Variants in CNTN3 observed in about 807,000 individuals in gnomAD.
CNTN3 encodes contactin-3.
CNTN3 carries 60 observed loss-of-function variants against 119.1 expected under a neutral mutation model. That is an observed-to-expected ratio of 0.50 (90% confidence interval 0.41 to 0.62). CNTN3 has a LOEUF of 0.62. CNTN3 is among the 20% of genes least tolerant of loss of function. The probability of loss-of-function intolerance (pLI) is 0.00; values close to 1 mark genes in which losing one functional copy is unlikely to be tolerated. For synonymous variants in CNTN3, 450 were observed against 438.7 expected, an observed-to-expected ratio of 1.03 and a Z score of -0.32; for missense variants, 1,101 against 1,242.4, an observed-to-expected ratio of 0.89 and a Z score of 1.71.
At chr3:74,309,790 C>T (rs145249904) in intron 13 of CNTN3, among the ~76,000 whole-genome samples, 2 of 152,160 alleles carry the variant, frequency 1.3e-5, no homozygotes, top group Non-Finnish European at 1.5e-5. Flanking sequence ...CTGTATACTG[C>T]TGAACTCATA....
intron 11 of CNTN3, among the ~76,000 whole-genome samples, chr3:74,341,539 T>C (rs571481): frequency 0.085 from 12,891 of 152,182 alleles, 1,586 homozygotes; most frequent in African/African-American, 0.27. Flanking sequence ...TATAATATAC[T>C]TTTATTTGTA....
At chr3:74,418,449 C>A (rs1159806333) in intron 5 of CNTN3, among the ~76,000 whole-genome samples, 2 of 144,094 alleles carry the variant, frequency 1.4e-5, no homozygotes, top group African/African-American at 5.1e-5. Context: ...TCAAGCAATT[C>A]TCCTGCCTCA....
chr3:74,502,664 C>T (rs1703186072), intron 2 of CNTN3, among the ~76,000 whole-genome samples: 1 of 152,124 alleles, frequency 6.6e-6, no homozygotes, highest in African/African-American at 2.4e-5. Flanking sequence ...AGCTTCGTGT[C>T]ACTTCTGGGC....
chr3:74,491,993 T>C lies in CNTN3; in HGVS notation c.183-5362A>G, dbSNP rs75753611. ...GCTACACACCCCAGCATTTCAATCATATAACATTTACATTGTGCTCCAGAA... is the reference window on the plus strand; with the variant it reads ...GCTACACACCCCAGCATTTCAATCACATAACATTTACATTGTGCTCCAGAA... On this transcript the variant is annotated intron_variant, in intron 3 of 22. Transcript: ENST00000263665. Among the ~76,000 whole-genome samples the C allele has an allele frequency of 7.2e-3, 1,089 of 152,264 alleles. 5 individuals are homozygous for C. The highest frequency in any genetic ancestry group is 0.012 in the Non-Finnish European group (807 of 68,004).
intron 5 of CNTN3, among the ~76,000 whole-genome samples, chr3:74,374,300 A>T (rs991207909): frequency 3.3e-5 from 5 of 151,696 alleles, no homozygotes; most frequent in African/African-American, 1.2e-4. Flanking sequence ...TTTTTTAATA[A>T]AAAAACTTCT....
intron 1 of CNTN3, among the ~76,000 whole-genome samples, chr3:74,594,950 C>T (rs1181453719): frequency 6.6e-6 from 1 of 152,150 alleles, no homozygotes; most frequent in Admixed American, 6.6e-5. Context: ...ACATCCTCTC[C>T]AGCACCTGTT....
intron 5 of CNTN3, among the ~76,000 whole-genome samples, chr3:74,409,008 TAGA>T (rs898678246): frequency 2.6e-5 from 4 of 152,146 alleles, no homozygotes; most frequent in African/African-American, 9.7e-5. Context: ...ACACACAGCT[TAGA>T]AGAAGCAGTC....
rs201937551 is a variant in CNTN3 at position 74,390,494 on chromosome 3, G to GA, written c.455-19096dup. Among the ~76,000 whole-genome samples, 162 of 147,118 alleles carry GA rather than the reference G, an allele frequency of 1.1e-3. 1 individual carries two copies. Among genetic ancestry groups the GA allele is most frequent in the African/African-American group, 2.2e-3 (87 of 40,048 alleles). On this transcript the variant is annotated intron_variant, in intron 5 of 22. Coordinates refer to ENST00000263665, the MANE Select transcript of CNTN3 (RefSeq NM_020872.3). ...CAGAAAGCTTTGAGCTGCTTTGGGG[G>GA]AAAAAAAAAATCAAGAAACAGAGTT... is the stretch of plus-strand genomic sequence containing the variant.
At chr3:74,465,767 A>C (rs527545281) in intron 4 of CNTN3, among the ~76,000 whole-genome samples, 1 of 152,154 alleles carries the variant, frequency 6.6e-6, no homozygotes, top group Non-Finnish European at 1.5e-5. Context: ...AGGGCTGTCC[A>C]GGGATAGGCA....
chr3:74,319,909 A>G (rs549178664), intron 13 of CNTN3, among the ~76,000 whole-genome samples: 2 of 152,342 alleles, frequency 1.3e-5, no homozygotes, highest in East Asian at 1.9e-4. Flanking sequence ...CAAAAAACAC[A>G]TGAAAAAATG....
intron 5 of CNTN3, among the ~76,000 whole-genome samples, chr3:74,388,381 T>C (rs781272798): frequency 6.6e-6 from 1 of 152,254 alleles, no homozygotes; most frequent in African/African-American, 2.4e-5. Flanking sequence ...GGCTTTCGAA[T>C]CACTGATTTT....
At chr3:74,391,860 G>C (rs1455179803) in intron 5 of CNTN3, among the ~76,000 whole-genome samples, 3 of 152,150 alleles carry the variant, frequency 2.0e-5, no homozygotes, top group Admixed American at 6.5e-5. Context: ...GTTTCACCAT[G>C]TTGGTCAGGC....
At chr3:74,488,443 T>C (rs545080465) in intron 3 of CNTN3, among the ~76,000 whole-genome samples, 15 of 152,128 alleles carry the variant, frequency 9.9e-5, no homozygotes, top group Non-Finnish European at 2.2e-4. Context: ...ATTTTAAAGC[T>C]CTCATGGAGA....
chr3:74,497,947 A>G (rs953036928), intron 3 of CNTN3, among the ~76,000 whole-genome samples: 3 of 152,004 alleles, frequency 2.0e-5, no homozygotes, highest in Non-Finnish European at 1.5e-5. Flanking sequence ...TTATTTTTGG[A>G]TATCTAAGCT....
At chr3:74,339,774 G>T (rs1397917750) in intron 11 of CNTN3, among the ~76,000 whole-genome samples, 1 of 152,034 alleles carries the variant, frequency 6.6e-6, no homozygotes, top group Admixed American at 6.6e-5. Flanking sequence ...TAAAGGAGTT[G>T]GGGCTAGTGA....
intron 16 of CNTN3, among the ~76,000 whole-genome samples, chr3:74,301,155 C>T (rs760277570): frequency 1.3e-5 from 2 of 152,206 alleles, no homozygotes; most frequent in Non-Finnish European, 2.9e-5. Context: ...AGCATATTCA[C>T]TCACATGCAC....
At chr3:74,469,446 T>A (rs11720391) in intron 4 of CNTN3, among the ~76,000 whole-genome samples, 8 of 151,956 alleles carry the variant, frequency 5.3e-5, no homozygotes, top group African/African-American at 1.9e-4. Context: ...AACATTTGCA[T>A]GTATCTGACA....
intron 12 of CNTN3, among the ~76,000 whole-genome samples, chr3:74,335,548 G>A (rs1268414126): frequency 6.6e-6 from 1 of 151,894 alleles, no homozygotes; most frequent in East Asian, 1.9e-4. Context: ...TTTGCACTAC[G>A]TTGGACCAAA....
intron 13 of CNTN3, among the ~76,000 whole-genome samples, chr3:74,306,812 A>G (rs1352810406): frequency 6.6e-6 from 1 of 152,144 alleles, no homozygotes; most frequent in Non-Finnish European, 1.5e-5. Flanking sequence ...TCATTTAAAA[A>G]CTGTTTATAA....
Sources: gnomAD v4.1 joint callset for allele counts (sites outside exome capture counted in the v4.1 genomes callset) on GRCh38, gnomAD v4.1.1 for gene constraint, MANE v1.5 for transcripts, NCBI Gene and HGNC (gene_info 2026-07-23, HGNC 2026-07-21) for gene names.